The following FAM83G variants were observed in gnomAD, a reference collection of about 807,000 sequenced individuals.
FAM83G encodes protein FAM83G.
A neutral mutation model predicts 61.5 loss-of-function variants in FAM83G; 38 were observed. The ratio of observed to expected loss-of-function variants is 0.62; its 90% CI spans 0.48 to 0.81. The LOEUF (loss-of-function observed/expected upper bound fraction) is 0.81. FAM83G is among the 30% of genes least tolerant of loss of function. The pLI is 0.00. For synonymous variants in FAM83G, 470 were observed against 476.1 expected, an observed-to-expected ratio of 0.99 and a Z score of 0.17; for missense variants, 989 against 1,133.6, an observed-to-expected ratio of 0.87 and a Z score of 1.83.
rs975528225 is a variant in FAM83G at position 18,996,437 on chromosome 17, T to C, written c.522+7083A>G. On this transcript the variant is annotated intron_variant, in intron 2 of 5. Coordinates refer to ENST00000388995, the MANE Select transcript of FAM83G (RefSeq NM_001039999.3). This position sits in a 1 kb window ranked among gnomAD's most constrained non-coding sequence, Gnocchi z 4.4. Reference sequence around the variant, plus strand: ...AGAGGCCCAAGAAGGTTCTCTGGGTTAGGAAGTTCTCCTAGGATCCCTGGG... The same window carrying C: ...AGAGGCCCAAGAAGGTTCTCTGGGTCAGGAAGTTCTCCTAGGATCCCTGGG... Among the ~76,000 whole-genome samples the C allele has an allele frequency of 6.6e-6, 1 of 152,162 alleles. No individual in the cohort carries two copies. Among genetic ancestry groups the C allele is most frequent in the African/African-American group, 2.4e-5 (1 of 41,436 alleles).
rs1411645993 is a variant in FAM83G, at chr17:18,977,576, T to C, written c.2082+8A>G. 2 of 1,605,774 alleles carry C rather than the reference T, an allele frequency of 1.2e-6. No homozygotes were observed. The highest frequency in any genetic ancestry group is 8.5e-7 in the Non-Finnish European group (1 of 1,178,738). On this transcript the variant is annotated splice_region_variant and intron_variant, in intron 5 of 5. Coordinates refer to ENST00000388995, the MANE Select transcript of FAM83G (RefSeq NM_001039999.3). ...CGTGACCCCTGGTGTGCAGGGACCC[T>C]GACCCACCTGTGCCTCCTTGTCTGT...
Position 18,977,899 on chromosome 17 carries a change from G to T in FAM83G, c.1767C>A (p.Thr589=). The T allele has an allele frequency of 6.2e-7, 1 of 1,610,740 alleles. No individual in the cohort carries two copies. The highest frequency in any genetic ancestry group is 8.5e-7 in the Non-Finnish European group (1 of 1,179,718). Residue 589 remains threonine, a synonymous_variant, in exon 5 of 6, where the codon ACC becomes ACA. Transcript: ENST00000388995. ...VEEEDDDDYV[T]LSDQDSHSGS... is the part of the protein sequence containing the mutation. ...CTGAGTGGCTGTCCTGGTCACTGAG[G>T]GTTACGTAGTCGTCATCATCTTCTT...
At chr17:18,984,444 G>A (rs556838531) in intron 3 of FAM83G, among the ~76,000 whole-genome samples, 124 of 152,326 alleles carry the variant, frequency 8.1e-4, no homozygotes, top group Non-Finnish European at 1.5e-3. Context: ...GGGAACGGGG[G>A]AACCTGGGCA....
At position 18,978,600 on chromosome 17, in the gene FAM83G, T is replaced by G; in HGVS notation, c.1066A>C (p.Ser356Arg). The G allele has an allele frequency of 6.2e-7, 1 of 1,613,164 alleles. No individual in the cohort carries two copies. Among genetic ancestry groups the G allele is most frequent in the Middle Eastern group, 1.6e-4 (1 of 6,062 alleles). Residue 356 changes from serine to arginine, a missense_variant, in exon 5 of 6, where the codon AGC (serine) becomes CGC (arginine). By Grantham distance (110) the Ser-to-Arg change is moderately radical. This residue lies in a region of FAM83G where 574 missense variants were observed against 645.1 expected (regional missense o/e 0.89). Coordinates refer to ENST00000388995, the MANE Select transcript of FAM83G (RefSeq NM_001039999.3). ...NPKYALVKAK[S>R]VDEIAKISSE... ...GAGATCTTGGCAATCTCGTCGACGC[T>G]CTTGGCCTTGACAAGTGCGTACTTG...
At position 18,970,950 on chromosome 17, in the gene FAM83G, G is replaced by C. The variant is rs1056620697; in HGVS notation, c.*409C>G. ...TTTCTTGTGAGATGAAGGCAGGGGG[G>C]AGCCCAGGGAGTCAGGGCCCCGCAA... On this transcript the variant is annotated 3_prime_UTR_variant, in exon 6 of 6. Coordinates refer to ENST00000388995, the MANE Select transcript of FAM83G (RefSeq NM_001039999.3). 4 of 1,505,894 alleles carry C rather than the reference G, an allele frequency of 2.7e-6. No homozygotes were observed. The highest frequency in any genetic ancestry group is 3.7e-6 in the Non-Finnish European group (4 of 1,085,434). 93.3% of individuals were successfully genotyped at this position (1,505,894 alleles called of 1,614,324 possible).
intron 2 of FAM83G, among the ~76,000 whole-genome samples, chr17:18,993,939 G>C (rs988438357): frequency 2.0e-5 from 3 of 152,140 alleles, no homozygotes; most frequent in African/African-American, 4.8e-5. Context: ...TCCACAAACG[G>C]CAGCTGCACG....
At chr17:18,994,693 CA>C (rs2043520898) in intron 2 of FAM83G, among the ~76,000 whole-genome samples, 1 of 152,152 alleles carries the variant, frequency 6.6e-6, no homozygotes, top group African/African-American at 2.4e-5. Context: ...GGGGTGTCCT[CA>C]GAAGGATACT....
chr17:19,004,121 C>A lies in FAM83G; in HGVS notation c.-80G>T, dbSNP rs1350042549. ...TAGCTCCGGCCCAGCTGGGGCACCG[C>A]GCGCTCGGGGGCCTCTCCGCGGCCT... On this transcript the variant is annotated 5_prime_UTR_variant, in exon 2 of 6. Transcript: ENST00000388995. This position sits in a 1 kb window ranked among gnomAD's most constrained non-coding sequence, Gnocchi z 5.4. The A allele has an allele frequency of 7.8e-6, 11 of 1,416,480 alleles. No homozygotes were observed. The highest frequency in any genetic ancestry group is 9.5e-6 in the Non-Finnish European group (10 of 1,050,548). The allele number at this position is 1,416,480 out of a possible 1,614,324, so 87.7% of individuals were successfully genotyped here.
chr17:18,977,244 T>C (rs2043003300), intron 5 of FAM83G: 2 of 596,436 alleles, frequency 3.4e-6, no homozygotes, highest in Admixed American at 3.1e-5. Context: ...TGCCCCGCCT[T>C]TTCCTCATCT....
Position 18,970,875 on chromosome 17 carries a change from A to C in FAM83G, c.*484T>G. On this transcript the variant is annotated 3_prime_UTR_variant, in exon 6 of 6. Coordinates refer to ENST00000388995, the MANE Select transcript of FAM83G (RefSeq NM_001039999.3). ...ACCCTCTACCCTCACACCTTTCCAAACACTGGGAAAGATGAGGTGGAAAAA... is the reference window on the plus strand; with the variant it reads ...ACCCTCTACCCTCACACCTTTCCAACCACTGGGAAAGATGAGGTGGAAAAA... 1.4e-6 allele frequency: 1 copy of C among 722,942 alleles called. No homozygotes were observed. Among genetic ancestry groups the C allele is most frequent in the Admixed American group, 2.5e-5 (1 of 40,540 alleles). 44.8% of individuals were successfully genotyped at this position (722,942 alleles called of 1,614,324 possible).
chr17:18,984,762 C>A (rs1433268859), intron 3 of FAM83G, among the ~76,000 whole-genome samples: 3 of 152,218 alleles, frequency 2.0e-5, no homozygotes, highest in Non-Finnish European at 4.4e-5. Flanking sequence ...CCAAAAGCAG[C>A]CAAGTCATGC....
At chr17:18,977,310 C>A (rs2043004618) in intron 5 of FAM83G, 4 of 580,264 alleles carry the variant, frequency 6.9e-6, no homozygotes, top group Non-Finnish European at 1.2e-5. Context: ...CCTCTAACCA[C>A]AGGCTTTGGA....
At chr17:19,001,081 C>T (rs1047462099) in intron 2 of FAM83G, among the ~76,000 whole-genome samples, 1 of 152,168 alleles carries the variant, frequency 6.6e-6, no homozygotes, top group Non-Finnish European at 1.5e-5. Context: ...CCTTGGGCAG[C>T]GACTAACCAG....
intron 3 of FAM83G, among the ~76,000 whole-genome samples, chr17:18,981,513 A>T (rs2043131982): frequency 6.6e-6 from 1 of 152,046 alleles, no homozygotes; most frequent in Non-Finnish European, 1.5e-5. Context: ...GTGTGAGGTG[A>T]ATGCTATGGG....
In FAM83G at chr17:18,996,594, A is replaced by G. The variant is rs185325540; in HGVS notation, c.522+6926T>C. On this transcript the variant is annotated intron_variant, in intron 2 of 5. Coordinates refer to ENST00000388995, the MANE Select transcript of FAM83G (RefSeq NM_001039999.3). This position sits in a 1 kb window ranked among gnomAD's most constrained non-coding sequence, Gnocchi z 4.4. Reference sequence around the variant, plus strand: ...CTCCCAGGGTAAAGGGAGTCTGTGTACTTGGTAACAAATGCTGACCCCAGC... The same window carrying G: ...CTCCCAGGGTAAAGGGAGTCTGTGTGCTTGGTAACAAATGCTGACCCCAGC... 4.6e-5 allele frequency among the ~76,000 whole-genome samples: 7 copies of G among 152,184 alleles called. No individual in the cohort carries two copies. The highest frequency in any genetic ancestry group is 2.6e-4 in the Admixed American group (4 of 15,280).
intron 2 of FAM83G, among the ~76,000 whole-genome samples, chr17:18,994,190 C>T (rs191625748): frequency 9.8e-5 from 15 of 152,322 alleles, no homozygotes; most frequent in Admixed American, 4.6e-4. Flanking sequence ...GGAATTCACC[C>T]CCTGCCTTAG....
intron 5 of FAM83G, among the ~76,000 whole-genome samples, chr17:18,972,011 A>ACACAGG (rs1268911543): frequency 2.6e-5 from 4 of 152,292 alleles, no homozygotes; most frequent in African/African-American, 7.2e-5. Context: ...CTCTATTCCG[A>ACACAGG]CACAGGCCTG....
At chr17:18,977,455 C>A in intron 5 of FAM83G, 129 bp downstream of exon 5, 1 of 948,930 alleles carries the variant, frequency 1.1e-6, no homozygotes, top group Non-Finnish European at 1.6e-6. Flanking sequence ...TCAAGTTTCC[C>A]CATCTGTAAC....
chr17:18,998,396 T>C (rs1296104483), intron 2 of FAM83G, among the ~76,000 whole-genome samples: 1 of 152,234 alleles, frequency 6.6e-6, no homozygotes, highest in African/African-American at 2.4e-5. Context: ...GCCAGGACCC[T>C]CAGCTGCAGG....
Sources: gnomAD v4.1 joint callset for allele counts (sites outside exome capture counted in the v4.1 genomes callset) on GRCh38, gnomAD v4.1.1 for gene constraint, gnomAD v4.1.1 regional missense constraint, Gnocchi (gnomAD v3.1) non-coding constraint, MANE v1.5 for transcripts, NCBI Gene and HGNC (gene_info 2026-07-23, HGNC 2026-07-21) for gene names.